RP1L1: variants seen among roughly 807,000 people sequenced by gnomAD.
RP1L1 encodes the protein RP1 like 1, also known as retinitis pigmentosa 1-like 1 protein.
A neutral mutation model predicts 15.7 loss-of-function variants in RP1L1; 27 were observed. The ratio of observed to expected loss-of-function variants is 1.72; its 90% CI spans 1.27 to 2.38. The LOEUF (loss-of-function observed/expected upper bound fraction) is 2.38. Ranked by LOEUF, RP1L1 falls within the 30% of genes most tolerant of loss-of-function variation. The pLI, the probability that RP1L1 is intolerant of heterozygous loss-of-function variation, is 0.00. For synonymous variants in RP1L1, 1,813 were observed against 1,276.7 expected, an observed-to-expected ratio of 1.42 and a Z score of -8.96; for missense variants, 4,798 against 3,075.9, an observed-to-expected ratio of 1.56 and a Z score of -13.24.
Position 10,612,403 on chromosome 8 carries a change from C to G in RP1L1, c.1695G>C (p.Gln565His). The change falls in exon 4 of 4, where the codon CAG becomes CAC. Residue 565 changes from glutamine to histidine, a missense_variant. Gln to His is a conservative substitution (Grantham distance 24). Coordinates refer to ENST00000382483, the MANE Select transcript of RP1L1 (RefSeq NM_178857.6). ...CPGKARAETS[Q>H]QEASEGGDPA... is the part of the protein sequence containing the mutation. Reference sequence around the variant, plus strand: ...GGTCGCCTCCCTCGCTGGCCTCCTGCTGAGAGGTCTCGGCCCTTGCCTTGC... The same window carrying G: ...GGTCGCCTCCCTCGCTGGCCTCCTGGTGAGAGGTCTCGGCCCTTGCCTTGC... 1 of 1,612,778 alleles carries G rather than the reference C, an allele frequency of 6.2e-7. No individual in the cohort carries two copies. Among genetic ancestry groups the G allele is most frequent in the South Asian group, 1.1e-5 (1 of 91,090 alleles).
chr8:10,651,909 G>A (rs984671049), intron 1 of RP1L1, among the ~76,000 whole-genome samples: 6 of 152,126 alleles, frequency 3.9e-5, no homozygotes, highest in African/African-American at 1.4e-4. Context: ...TGATCATGGC[G>A]CTGCATATAC....
At chr8:10,631,900 G>T (rs1355776420) in intron 1 of RP1L1, among the ~76,000 whole-genome samples, 1 of 152,244 alleles carries the variant, frequency 6.6e-6, no homozygotes, top group Non-Finnish European at 1.5e-5. Flanking sequence ...GGCGGATTTG[G>T]AGTCAGGCCA....
intron 1 of RP1L1, among the ~76,000 whole-genome samples, chr8:10,634,316 G>A (rs1270141415): frequency 6.6e-6 from 1 of 152,124 alleles, no homozygotes; most frequent in Non-Finnish European, 1.5e-5. Context: ...GAGCAGCACC[G>A]ATGCTTGTGG....
chr8:10,612,375 C>T lies in RP1L1; in HGVS notation c.1723G>A (p.Ala575Thr), dbSNP rs201270988. ...GATGAAAGACTCAGGGCTGGAGAAG[C>T]GGGGTCGCCTCCCTCGCTGGCCTCC... ...QQEASEGGDP[A>T]SPALSLSSLR... is the part of the protein sequence containing the mutation. The change falls in exon 4 of 4, where the codon GCT (alanine) becomes ACT (threonine). Residue 575 changes from alanine to threonine, a missense_variant. By Grantham distance (58) the Ala-to-Thr change is moderately conservative. Transcript: ENST00000382483. The T allele has an allele frequency of 1.7e-4, 268 of 1,612,790 alleles. 2 individuals carry two copies. The highest frequency in any genetic ancestry group is 3.2e-4 in the South Asian group (29 of 91,092).
chr8:10,611,817 C>T lies in RP1L1; in HGVS notation c.2281G>A (p.Gly761Arg), dbSNP rs779548004. 44 of 1,613,526 alleles carry T rather than the reference C, an allele frequency of 2.7e-5. No individual in the cohort carries two copies. Among genetic ancestry groups the T allele is most frequent in the Middle Eastern group, 3.3e-4 (2 of 6,084 alleles). ...GVSPHNAPSA[G>R]WAGDAGSRTC... is the part of the protein sequence containing the mutation. ...CTGGACCCCGCGTCCCCTGCCCACC[C>T]GGCAGAGGGAGCGTTGTGCGGGGAG... The change falls in exon 4 of 4, where the codon GGG becomes AGG. Residue 761 changes from glycine (G) to arginine (R), a missense_variant. Transcript: ENST00000382483.
At position 10,607,191 on chromosome 8, in the gene RP1L1, C is replaced by A. The variant is rs1271952289; in HGVS notation, c.6907G>T (p.Ala2303Ser). Residue 2303 changes from alanine to serine, a missense_variant, in exon 4 of 4, where the codon GCA (alanine) becomes TCA (serine). Physicochemically the swap from Ala to Ser is moderately conservative, Grantham distance 99. Transcript: ENST00000382483. ...GSQTGPSSSRASSWGNCWQKD... is the reference protein window; with the variant it reads ...GSQTGPSSSRSSSWGNCWQKD... ...TGCCAGCAGTTGCCCCAAGAGGATG[C>A]TCTGGAGGAGGAAGGGCCTGTTTGG... 1.2e-6 allele frequency: 2 copies of A among 1,614,226 alleles called. No individual in the cohort carries two copies. The highest frequency in any genetic ancestry group is 1.7e-5 in the Admixed American group (1 of 60,034).
At chr8:10,633,987 C>T (rs200822689) in intron 1 of RP1L1, among the ~76,000 whole-genome samples, 6 of 152,086 alleles carry the variant, frequency 3.9e-5, no homozygotes, top group Admixed American at 3.3e-4. Context: ...GAAGGGTGCC[C>T]GAGGGCCTGA....
rs1797834146 is a variant in RP1L1 at position 10,610,837 on chromosome 8, C to T, written c.3261G>A (p.Arg1087=). 3 of 1,607,486 alleles carry T rather than the reference C, an allele frequency of 1.9e-6. No homozygotes were observed. In the East Asian group the frequency reaches 6.7e-5, roughly 36 times the overall value. ...GGCCCTGCTTGGAGCCCATCAGCGC[C>T]CTCATGATCTGCGTGGAGGCAGACA... is the stretch of plus-strand genomic sequence containing the variant. ...GRVSASTQIM[R]ALMGSKQGRP... is the part of the protein sequence containing the mutation. Residue 1087 remains arginine (R), a synonymous_variant, in exon 4 of 4, where the codon AGG becomes AGA. Coordinates refer to ENST00000382483, the MANE Select transcript of RP1L1 (RefSeq NM_178857.6).
chr8:10,651,544 C>T (rs6995364), intron 1 of RP1L1, among the ~76,000 whole-genome samples: 47,742 of 151,922 alleles, frequency 0.31, 8,813 homozygotes, highest in African/African-American at 0.5. Context: ...CTGGCCAACA[C>T]GGTGAAACCC....
intron 1 of RP1L1, among the ~76,000 whole-genome samples, chr8:10,637,625 A>G (rs1173286822): frequency 6.6e-6 from 1 of 152,174 alleles, no homozygotes; most frequent in African/African-American, 2.4e-5. Flanking sequence ...CTCCCCATTT[A>G]TAGTCACTAG....
rs1009888684 is a variant in RP1L1 at position 10,623,202 on chromosome 8, G to C, written c.-1C>G. On this transcript the variant is annotated 5_prime_UTR_variant, in exon 2 of 4. Transcript: ENST00000382483. Reference sequence around the variant, plus strand: ...GGGCATTCCTGGGGGTGCTGTTCATGGTGTGGGGGCTCTGGCCGCTGTAAC... The same window carrying C: ...GGGCATTCCTGGGGGTGCTGTTCATCGTGTGGGGGCTCTGGCCGCTGTAAC... The C allele has an allele frequency of 6.4e-7, 1 of 1,552,120 alleles. No individual in the cohort carries two copies. The highest frequency in any genetic ancestry group is 1.4e-5 in the African/African-American group (1 of 73,384).
At chr8:10,650,287 T>A (rs78315331) in intron 1 of RP1L1, among the ~76,000 whole-genome samples, 1 of 152,182 alleles carries the variant, frequency 6.6e-6, no homozygotes, top group African/African-American at 2.4e-5. Context: ...AAACCCCACA[T>A]TCTTCAAGCC....
chr8:10,644,016 A>G (rs1798441864), intron 1 of RP1L1, among the ~76,000 whole-genome samples: 1 of 151,968 alleles, frequency 6.6e-6, no homozygotes, highest in South Asian at 2.1e-4. Context: ...CGCACCTGTC[A>G]ACAAGGGATT....
At chr8:10,647,627 C>A (rs1336166806) in intron 1 of RP1L1, among the ~76,000 whole-genome samples, 3 of 152,202 alleles carry the variant, frequency 2.0e-5, no homozygotes, top group African/African-American at 7.2e-5. Context: ...CACTTAGCAT[C>A]ATGTCTCCAA....
Position 10,611,070 on chromosome 8 carries a change from C to T in RP1L1, c.3028G>A (p.Gly1010Arg), listed in dbSNP as rs554643835. 22 of 1,612,824 alleles carry T rather than the reference C, an allele frequency of 1.4e-5. No homozygotes were observed. The African/African-American group carries it at 2.5e-4, about 19-fold the overall frequency. ...GGGTCCCCTTCCAGGGACTGCTGTC[C>T]CGCCTGAGCTGGCTCCCCCAGGCCT... ...LEGLGEPAQA[G>R]QQSLEGDPGQ... The change falls in exon 4 of 4, where the codon GGA becomes AGA. Residue 1010 changes from glycine (G) to arginine (R), a missense_variant. Coordinates refer to ENST00000382483, the MANE Select transcript of RP1L1 (RefSeq NM_178857.6).
intron 2 of RP1L1, chr8:10,621,520 T>G: frequency 2.9e-6 from 1 of 348,634 alleles, no homozygotes. Flanking sequence ...GATATAGGGT[T>G]TCGCCCTATT....
At chr8:10,651,285 G>C (rs897201007) in intron 1 of RP1L1, among the ~76,000 whole-genome samples, 1 of 152,196 alleles carries the variant, frequency 6.6e-6, no homozygotes, top group African/African-American at 2.4e-5. Flanking sequence ...AAACCTCCAG[G>C]TGATTGTGCT....
chr8:10,648,938 G>A (rs777049150), intron 1 of RP1L1, among the ~76,000 whole-genome samples: 2 of 152,212 alleles, frequency 1.3e-5, no homozygotes, highest in Non-Finnish European at 2.9e-5. Context: ...CTGCGAGGAC[G>A]CTTCAGGGCC....
At chr8:10,631,304 TGCACACACACGCACACACGCACACACACA>T (rs1798241048) in intron 1 of RP1L1, among the ~76,000 whole-genome samples, 1 of 83,922 alleles carries the variant, frequency 1.2e-5, no homozygotes, top group Non-Finnish European at 2.6e-5. Context: ...CAAACACGCA[TGCACACACACGCACACACGCACACACACA>T]TGCACACACA....
Sources: gnomAD v4.1 joint callset for allele counts (sites outside exome capture counted in the v4.1 genomes callset) on GRCh38, gnomAD v4.1.1 for gene constraint, MANE v1.5 for transcripts, NCBI Gene and HGNC (gene_info 2026-07-23, HGNC 2026-07-21) for gene names.